ZFHX3: variants seen among roughly 807,000 people sequenced by gnomAD.
ZFHX3 encodes the protein zinc finger homeobox protein 3.
Under a neutral mutation model 279.1 loss-of-function variants are expected in ZFHX3, and 42 were observed. The observed-to-expected ratio is 0.15, with a 90% CI of 0.12 to 0.19. ZFHX3 has a LOEUF of 0.19. ZFHX3 is among the 10% of genes least tolerant of loss of function. The probability of loss-of-function intolerance (pLI) is 1.00; values close to 1 mark genes in which losing one functional copy is unlikely to be tolerated. For synonymous variants in ZFHX3, 2,293 were observed against 1,957.8 expected (o/e 1.17, Z -4.52); for missense variants, 4,981 against 4,754.0 (o/e 1.05, Z -1.40).
chr16:73,337,219 A>G (rs147582364), intron 3 of ZFHX3, among the ~76,000 whole-genome samples: 2 of 152,086 alleles, frequency 1.3e-5, no homozygotes, highest in African/African-American at 2.4e-5. Context: ...CCAACCTTCC[A>G]TCCATTCCTA....
At chr16:73,438,444 AAG>A (rs1294600936) in intron 3 of ZFHX3, among the ~76,000 whole-genome samples, 29 of 152,206 alleles carry the variant, frequency 1.9e-4, no homozygotes, top group Non-Finnish European at 4.4e-5. Context: ...AAAAATCAGA[AAG>A]AGAGAGCATG....
chr16:73,346,786 G>A (rs2016132479), intron 3 of ZFHX3, among the ~76,000 whole-genome samples: 1 of 152,130 alleles, frequency 6.6e-6, no homozygotes, highest in Non-Finnish European at 1.5e-5. Context: ...ATGCTCTTTG[G>A]ACACTGAGAA....
At chr16:73,644,414 C>A (rs1567541031) in intron 2 of ZFHX3, among the ~76,000 whole-genome samples, 1 of 152,036 alleles carries the variant, frequency 6.6e-6, no homozygotes, top group Non-Finnish European at 1.5e-5. Flanking sequence ...AATCCCAGCA[C>A]TTTGGGAGGC....
chr16:73,713,131 G>A (rs894703132), intron 1 of ZFHX3, among the ~76,000 whole-genome samples: 3 of 152,122 alleles, frequency 2.0e-5, no homozygotes, highest in Non-Finnish European at 4.4e-5. Context: ...ATCCCCAATC[G>A]TTTAGTACAA....
At chr16:73,641,990 G>A (rs535902753) in intron 2 of ZFHX3, among the ~76,000 whole-genome samples, 106 of 151,890 alleles carry the variant, frequency 7.0e-4, no homozygotes, top group Non-Finnish European at 1.1e-3. Context: ...ATGCTCCTCC[G>A]ACTCCTCCCT....
intron 5 of ZFHX3, among the ~76,000 whole-genome samples, chr16:73,156,065 T>A (rs1967073928): frequency 6.6e-6 from 1 of 151,566 alleles, no homozygotes; most frequent in South Asian, 2.1e-4. Context: ...ACCCCATCTC[T>A]ACTAAAAATA....
chr16:73,225,356 T>C (rs903826800), intron 5 of ZFHX3, among the ~76,000 whole-genome samples: 2 of 152,136 alleles, frequency 1.3e-5, no homozygotes, highest in Middle Eastern at 3.2e-3. Context: ...TGGCTCACAC[T>C]TGTAATCCCA....
At chr16:73,353,858 A>G (rs956564709) in intron 3 of ZFHX3, among the ~76,000 whole-genome samples, 1 of 152,254 alleles carries the variant, frequency 6.6e-6, no homozygotes, top group Non-Finnish European at 1.5e-5. Flanking sequence ...TTATTTATCA[A>G]ATAAATAGTG....
chr16:72,880,423 GTATGTCCTAATCAT>G (rs1198190037), intron 4 of ZFHX3, among the ~76,000 whole-genome samples: 4 of 151,980 alleles, frequency 2.6e-5, no homozygotes, highest in Non-Finnish European at 5.9e-5. Flanking sequence ...AATCTATCTG[GTATGTCCTAATCAT>G]ACAGAGACAC....
At chr16:73,865,000 G>C (rs1961975456) in intron 1 of ZFHX3, among the ~76,000 whole-genome samples, 1 of 152,168 alleles carries the variant, frequency 6.6e-6, no homozygotes, top group African/African-American at 2.4e-5. Flanking sequence ...GGACTTTGCA[G>C]CTTCTTCTCT....
At chr16:73,783,428 C>A (rs962517233) in intron 1 of ZFHX3, among the ~76,000 whole-genome samples, 4 of 152,222 alleles carry the variant, frequency 2.6e-5, no homozygotes, top group Admixed American at 2.0e-4. Context: ...CCACCTCATG[C>A]TCTTTCTCTT....
chr16:73,777,750 T>C (rs779348319), intron 1 of ZFHX3, among the ~76,000 whole-genome samples: 24 of 152,146 alleles, frequency 1.6e-4, no homozygotes, highest in Non-Finnish European at 3.2e-4. Flanking sequence ...ACTTGCTATG[T>C]CTGGGTGACA....
At chr16:73,326,375 C>A (rs1490208261) in intron 3 of ZFHX3, among the ~76,000 whole-genome samples, 2 of 152,308 alleles carry the variant, frequency 1.3e-5, no homozygotes, top group African/African-American at 4.8e-5. Context: ...TCTGAGCCGA[C>A]TTTCCAGTTC....
intron 5 of ZFHX3, among the ~76,000 whole-genome samples, chr16:73,172,032 C>A (rs930170479): frequency 6.6e-6 from 1 of 152,220 alleles, no homozygotes; most frequent in African/African-American, 2.4e-5. Context: ...ATGCTGACTG[C>A]AGACCGGGTC....
chr16:73,709,952 T>C (rs971019906), intron 1 of ZFHX3, among the ~76,000 whole-genome samples: 2 of 152,052 alleles, frequency 1.3e-5, no homozygotes, highest in Non-Finnish European at 2.9e-5. Flanking sequence ...GAGGCCAAGG[T>C]GGGTGGATCA....
At chr16:73,882,640 G>C (rs1203874555) in intron 1 of ZFHX3, among the ~76,000 whole-genome samples, 1 of 152,032 alleles carries the variant, frequency 6.6e-6, no homozygotes, top group African/African-American at 2.4e-5. Flanking sequence ...GCCAGGGTCT[G>C]GAAATTCCAG....
At chr16:73,003,103 G>A (rs1963557544) in intron 1 of ZFHX3, among the ~76,000 whole-genome samples, 2 of 152,104 alleles carry the variant, frequency 1.3e-5, no homozygotes, top group Admixed American at 1.3e-4. Flanking sequence ...AGCTGCATAA[G>A]CATCTACCAT....
intron 8 of ZFHX3, among the ~76,000 whole-genome samples, chr16:73,091,861 C>T (rs866220083): frequency 6.6e-6 from 1 of 152,322 alleles, no homozygotes; most frequent in South Asian, 2.1e-4. Context: ...ACATAGGTCT[C>T]TTCTACTTTC....
chr16:73,066,353 G>C (rs1489777494), intron 8 of ZFHX3, among the ~76,000 whole-genome samples: 5 of 152,182 alleles, frequency 3.3e-5, no homozygotes, highest in African/African-American at 9.7e-5. Flanking sequence ...CAGTTGCCCC[G>C]AGATGCTGAT....
Sources: gnomAD v4.1 joint callset for allele counts (sites outside exome capture counted in the v4.1 genomes callset) on GRCh38, gnomAD v4.1.1 for gene constraint, MANE v1.5 for transcripts, NCBI Gene and HGNC (gene_info 2026-07-23, HGNC 2026-07-21) for gene names.